QSER1: variants seen among roughly 807,000 people sequenced by gnomAD.
The protein encoded by QSER1 is glutamine and serine rich 1.
Under a neutral mutation model 158.5 loss-of-function variants are expected in QSER1, and 49 were observed. The ratio of observed to expected loss-of-function variants is 0.31; its 90% CI spans 0.25 to 0.39. QSER1 has a LOEUF of 0.39. Among genes scored for constraint, QSER1 ranks in the 10% least tolerant of loss-of-function variants. The pLI is 1.00. For synonymous variants in QSER1, 650 were observed against 715.5 expected, an observed-to-expected ratio of 0.91 and a Z score of 1.46; for missense variants, 1,754 against 2,010.3, an observed-to-expected ratio of 0.87 and a Z score of 2.44.
intron 4 of QSER1, among the ~76,000 whole-genome samples, chr11:32,949,698 GT>G (rs1411332609): frequency 6.6e-6 from 1 of 152,152 alleles, no homozygotes; most frequent in Non-Finnish European, 1.5e-5. Context: ...ATAGAAATAT[GT>G]TAGGATAAAA....
At chr11:32,943,444 G>A (rs1460656376) in intron 4 of QSER1, among the ~76,000 whole-genome samples, 1 of 152,026 alleles carries the variant, frequency 6.6e-6, no homozygotes, top group Non-Finnish European at 1.5e-5. Context: ...TTAGCATGAA[G>A]CGTTGTTGAA....
At chr11:32,909,500 C>G (rs919147462) in intron 1 of QSER1, among the ~76,000 whole-genome samples, 1 of 151,374 alleles carries the variant, frequency 6.6e-6, no homozygotes, top group African/African-American at 2.4e-5. Flanking sequence ...AGTGCAGTAG[C>G]ACGATCTTGG....
intron 1 of QSER1, among the ~76,000 whole-genome samples, chr11:32,897,008 A>T (rs1009551208): frequency 6.6e-6 from 1 of 152,152 alleles, no homozygotes. Context: ...GTTTTTTCCC[A>T]TGGAAACCGT....
chr11:32,955,353 T>C lies in QSER1; in HGVS notation c.4558T>C (p.Leu1520=). The change falls in exon 6 of 13, where the codon TTA becomes CTA. Residue 1520 remains leucine, a synonymous_variant. Transcript: ENST00000650167. ...TATTTGGAAAGTACAAAAAGCTTTA[T>C]TACAGAAATTTGTTCCTGAAATTCG... ...PAIWKVQKAL[L]QKFVPEIRDG... 1.2e-6 allele frequency: 2 copies of C among 1,602,634 alleles called. No individual in the cohort carries two copies. Among genetic ancestry groups the C allele is most frequent in the Non-Finnish European group, 1.7e-6 (2 of 1,176,656 alleles).
At chr11:32,958,863 A>G (rs1381876626) in intron 8 of QSER1, among the ~76,000 whole-genome samples, 2 of 152,216 alleles carry the variant, frequency 1.3e-5, no homozygotes, top group Non-Finnish European at 2.9e-5. Context: ...AAGGTAGGAT[A>G]TCCTCTCTTA....
intron 4 of QSER1, among the ~76,000 whole-genome samples, chr11:32,943,017 T>C (rs1049041550): frequency 1.3e-5 from 2 of 151,962 alleles, no homozygotes; most frequent in African/African-American, 4.8e-5. Flanking sequence ...AGTTCACTCA[T>C]GATTTGGCTC....
intron 1 of QSER1, among the ~76,000 whole-genome samples, chr11:32,914,490 A>G (rs1366713772): frequency 6.6e-6 from 1 of 152,242 alleles, no homozygotes; most frequent in Non-Finnish European, 1.5e-5. Context: ...ACAAAGTGAT[A>G]TGACTACTTA....
intron 10 of QSER1, among the ~76,000 whole-genome samples, chr11:32,971,931 C>T (rs1852866994): frequency 6.6e-6 from 1 of 151,750 alleles, no homozygotes; most frequent in Admixed American, 6.6e-5. Context: ...GGCGTGGTGT[C>T]AGGCGCCTGT....
intron 1 of QSER1, among the ~76,000 whole-genome samples, chr11:32,914,368 A>G (rs776288836): frequency 1.3e-5 from 2 of 152,234 alleles, no homozygotes; most frequent in Admixed American, 1.3e-4. Flanking sequence ...ATCTTTCTCA[A>G]CTATGAAAAG....
intron 1 of QSER1, among the ~76,000 whole-genome samples, chr11:32,920,846 A>C (rs1851890999): frequency 6.6e-6 from 1 of 152,206 alleles, no homozygotes; most frequent in Non-Finnish European, 1.5e-5. Context: ...AGAAATACAG[A>C]TAATAAATAT....
chr11:32,948,930 G>A (rs1852380358), intron 4 of QSER1, among the ~76,000 whole-genome samples: 1 of 151,548 alleles, frequency 6.6e-6, no homozygotes, highest in Admixed American at 6.6e-5. Flanking sequence ...TTCTTTTCCT[G>A]GTTACAATAG....
At chr11:32,903,238 C>T (rs1273237246) in intron 1 of QSER1, among the ~76,000 whole-genome samples, 3 of 151,746 alleles carry the variant, frequency 2.0e-5, no homozygotes, top group South Asian at 2.1e-4. Flanking sequence ...GAATGGTTGC[C>T]GTAGGGTATG....
chr11:32,904,189 C>CTTTT (rs370789790), intron 1 of QSER1, among the ~76,000 whole-genome samples: 1 of 137,230 alleles, frequency 7.3e-6, no homozygotes, highest in Non-Finnish European at 1.6e-5. Flanking sequence ...ATTTCTTTTT[C>CTTTT]TTTTTTTTTT....
chr11:32,977,868 A>G lies in QSER1; in HGVS notation c.*1394A>G, dbSNP rs1317125224. The G allele has an allele frequency of 6.6e-6, 1 of 152,624 alleles. No individual in the cohort carries two copies. Among genetic ancestry groups the G allele is most frequent in the African/African-American group, 2.4e-5 (1 of 41,460 alleles). 9.5% of individuals were successfully genotyped at this position (152,624 alleles called of 1,614,324 possible). A position where few individuals can be genotyped will look rare whatever the true frequency, so the allele number is the denominator to read the frequency against. On this transcript the variant is annotated 3_prime_UTR_variant, in exon 13 of 13. Coordinates refer to ENST00000650167, the MANE Select transcript of QSER1 (RefSeq NM_001076786.3). ...TTATTTTACCACCATTTAGTGCCTT[A>G]AATCCTATCAAGAAAGCAGTGTTAC...
chr11:32,960,170 G>A (rs182882328), intron 8 of QSER1, among the ~76,000 whole-genome samples: 21 of 152,264 alleles, frequency 1.4e-4, no homozygotes, highest in Non-Finnish European at 2.8e-4. Context: ...TTGATCCCAG[G>A]AGTTCAAGAC....
intron 1 of QSER1, among the ~76,000 whole-genome samples, chr11:32,903,758 C>G (rs1851654499): frequency 6.6e-6 from 1 of 151,970 alleles, no homozygotes; most frequent in African/African-American, 2.4e-5. Flanking sequence ...ATTACAGATG[C>G]CCACCACCAC....
Position 32,932,799 on chromosome 11 carries a change from T to C in QSER1, c.1541T>C (p.Val514Ala), listed in dbSNP as rs762279952. ...TLTFSGSSQT[V>A]TPENQTLNYS... is the part of the protein sequence containing the mutation. Reference sequence around the variant, plus strand: ...ACTTTTTCTGGGTCATCTCAGACTGTAACTCCTGAAAATCAGACGCTTAAT... The same window carrying C: ...ACTTTTTCTGGGTCATCTCAGACTGCAACTCCTGAAAATCAGACGCTTAAT... Residue 514 changes from valine to alanine, a missense_variant, in exon 4 of 13, where the codon GTA becomes GCA. Transcript: ENST00000650167. The C allele has an allele frequency of 1.9e-6, 3 of 1,613,976 alleles. No individual in the cohort carries two copies. The highest frequency in any genetic ancestry group is 2.5e-6 in the Non-Finnish European group (3 of 1,179,914).
chr11:32,912,412 T>C (rs1851778060), intron 1 of QSER1, among the ~76,000 whole-genome samples: 1 of 152,168 alleles, frequency 6.6e-6, no homozygotes, highest in Admixed American at 6.5e-5. Context: ...ATCTTGGCCT[T>C]CTCTCTTTAA....
chr11:32,932,469 C>A lies in QSER1; in HGVS notation c.1211C>A (p.Pro404His). ...SSAIPSSGYP[P>H]STTKIKSCST... is the part of the protein sequence containing the mutation. ...GCGATTCCATCATCAGGGTATCCTCCTTCTACTACAAAAATAAAAAGCTGT... is the reference window on the plus strand; with the variant it reads ...GCGATTCCATCATCAGGGTATCCTCATTCTACTACAAAAATAAAAAGCTGT... Residue 404 changes from proline (P) to histidine (H), a missense_variant, in exon 4 of 13, where the codon CCT (proline) becomes CAT (histidine). Coordinates refer to ENST00000650167, the MANE Select transcript of QSER1 (RefSeq NM_001076786.3). The A allele has an allele frequency of 6.2e-7, 1 of 1,613,662 alleles. No homozygotes were observed. Among genetic ancestry groups the A allele is most frequent in the Non-Finnish European group, 8.5e-7 (1 of 1,179,986 alleles).
Sources: gnomAD v4.1 joint callset for allele counts (sites outside exome capture counted in the v4.1 genomes callset) on GRCh38, gnomAD v4.1.1 for gene constraint, MANE v1.5 for transcripts, NCBI Gene and HGNC (gene_info 2026-07-23, HGNC 2026-07-21) for gene names.